The following HOMER1 variants were observed in gnomAD, a reference collection of about 807,000 sequenced individuals.
HOMER1 encodes the protein homer protein homolog 1.
HOMER1 carries 3 observed loss-of-function variants against 48.9 expected under a neutral mutation model. That is an observed-to-expected ratio of 0.06 (90% confidence interval 0.03 to 0.16). The LOEUF (loss-of-function observed/expected upper bound fraction) is 0.16, where lower values mean the gene tolerates loss of function less well. Among genes scored for constraint, HOMER1 ranks in the 10% least tolerant of loss-of-function variants. HOMER1 has a pLI of 1.00. For synonymous variants in HOMER1, 134 were observed against 146.4 expected (o/e 0.92, Z 0.61); for missense variants, 247 against 411.4 (o/e 0.60, Z 3.46).
intron 5 of HOMER1, among the ~76,000 whole-genome samples, chr5:79,409,638 G>C (rs1749763416): frequency 6.6e-6 from 1 of 152,128 alleles, no homozygotes. Flanking sequence ...TCATCTATCT[G>C]ATAAGGGATT....
chr5:79,440,063 T>C (rs571399795), intron 4 of HOMER1, among the ~76,000 whole-genome samples: 5 of 152,196 alleles, frequency 3.3e-5, no homozygotes, highest in Middle Eastern at 3.4e-3. Context: ...AATTGAAATA[T>C]CTGTCTATAT....
At chr5:79,430,893 A>G (rs1196878699) in intron 5 of HOMER1, among the ~76,000 whole-genome samples, 1 of 152,092 alleles carries the variant, frequency 6.6e-6, no homozygotes, top group African/African-American at 2.4e-5. Flanking sequence ...GCTGAGATCC[A>G]GCCTGGCAAC....
chr5:79,494,011 T>C (rs1463419774), intron 1 of HOMER1, among the ~76,000 whole-genome samples: 2 of 152,194 alleles, frequency 1.3e-5, no homozygotes, highest in African/African-American at 4.8e-5. Context: ...TCTAATTATT[T>C]CTTGCCTCAT....
chr5:79,434,676 A>G lies in HOMER1; in HGVS notation c.527+4334T>C, dbSNP rs1296210338. On this transcript the variant is annotated intron_variant, in intron 5 of 8. Transcript: ENST00000334082. ...CCTTTTTTACACGTCTCTAAACTTT[A>G]AAAATAAGTACACTAAAACAGTATT... Among the ~76,000 whole-genome samples, 4 of 152,304 alleles carry G rather than the reference A, an allele frequency of 2.6e-5. No individual in the cohort carries two copies. In the East Asian group the frequency reaches 7.7e-4, roughly 29 times the overall value.
At chr5:79,502,854 A>G (rs377054663) in intron 1 of HOMER1, among the ~76,000 whole-genome samples, 11 of 152,218 alleles carry the variant, frequency 7.2e-5, no homozygotes, top group East Asian at 5.8e-4. Context: ...GCAGTGGCGC[A>G]ATCTCAGCTC....
chr5:79,431,399 G>A (rs577243426), intron 5 of HOMER1, among the ~76,000 whole-genome samples: 4 of 152,210 alleles, frequency 2.6e-5, no homozygotes, highest in South Asian at 2.1e-4. Flanking sequence ...TATACGCAAC[G>A]TTCAGAATAG....
At position 79,502,708 on chromosome 5, in the gene HOMER1, C is replaced by T. The variant is rs370313987; in HGVS notation, c.5+10062G>A. Among the ~76,000 whole-genome samples the T allele has an allele frequency of 1.4e-4, 21 of 152,344 alleles. 1 individual carries two copies. Among genetic ancestry groups the T allele is most frequent in the Admixed American group, 6.5e-4 (10 of 15,302 alleles). On this transcript the variant is annotated intron_variant, in intron 1 of 8. Coordinates refer to ENST00000334082, the MANE Select transcript of HOMER1 (RefSeq NM_004272.5). Reference sequence around the variant, plus strand: ...ATAATGTAACAACCTAGATTTTACACTGACTACTCAGAATATACAGTTAAC... The same window carrying T: ...ATAATGTAACAACCTAGATTTTACATTGACTACTCAGAATATACAGTTAAC...
intron 5 of HOMER1, among the ~76,000 whole-genome samples, chr5:79,436,967 T>C (rs1750599429): frequency 6.6e-6 from 1 of 152,238 alleles, no homozygotes; most frequent in Non-Finnish European, 1.5e-5. Flanking sequence ...ATTGACCTGT[T>C]AAATTTTATA....
chr5:79,495,067 C>CTA (rs1339437712), intron 1 of HOMER1, among the ~76,000 whole-genome samples: 1 of 152,002 alleles, frequency 6.6e-6, no homozygotes, highest in African/African-American at 2.4e-5. Flanking sequence ...CATTAAATAT[C>CTA]TATATATATT....
At chr5:79,407,032 CA>C in intron 5 of HOMER1, among the ~76,000 whole-genome samples, 1 of 152,038 alleles carries the variant, frequency 6.6e-6, no homozygotes, top group East Asian at 1.9e-4. Flanking sequence ...TGCACACACA[CA>C]AAAAAAGACC....
At chr5:79,422,281 A>C (rs1266433200) in intron 5 of HOMER1, among the ~76,000 whole-genome samples, 1 of 152,242 alleles carries the variant, frequency 6.6e-6, no homozygotes, top group Admixed American at 6.5e-5. Context: ...ACTGAAATAC[A>C]CAGTTATTTT....
chr5:79,428,167 T>A (rs1750322620), intron 5 of HOMER1, among the ~76,000 whole-genome samples: 1 of 152,188 alleles, frequency 6.6e-6, no homozygotes, highest in Admixed American at 6.5e-5. Flanking sequence ...ATTGCTCTAT[T>A]TGTCAATGAA....
At chr5:79,462,361 T>C (rs1751339320) in intron 1 of HOMER1, among the ~76,000 whole-genome samples, 1 of 152,222 alleles carries the variant, frequency 6.6e-6, no homozygotes, top group Admixed American at 6.5e-5. Context: ...TGTTGATTCA[T>C]AAACGAATTC....
intron 6 of HOMER1, among the ~76,000 whole-genome samples, chr5:79,398,656 T>C (rs967904524): frequency 1.3e-5 from 2 of 152,162 alleles, no homozygotes; most frequent in Non-Finnish European, 2.9e-5. Flanking sequence ...ATTCCTGTGA[T>C]TCCACCATTC....
chr5:79,490,316 AC>A (rs1316639241), intron 1 of HOMER1, among the ~76,000 whole-genome samples: 2 of 152,190 alleles, frequency 1.3e-5, no homozygotes, highest in Non-Finnish European at 2.9e-5. Context: ...CATATCTTAA[AC>A]CCCAGTCTGA....
At chr5:79,510,181 T>G (rs533475198) in intron 1 of HOMER1, among the ~76,000 whole-genome samples, 18 of 150,468 alleles carry the variant, frequency 1.2e-4, no homozygotes, top group African/African-American at 4.2e-4. Context: ...TAGCCCCAAA[T>G]ACAGGCTTTC....
chr5:79,492,789 C>T (rs1439674497), intron 1 of HOMER1, among the ~76,000 whole-genome samples: 1 of 151,604 alleles, frequency 6.6e-6, no homozygotes, highest in East Asian at 1.9e-4. Flanking sequence ...AGGAAAGGGG[C>T]CGCTAAGGGG....
intron 1 of HOMER1, among the ~76,000 whole-genome samples, chr5:79,471,079 C>T (rs796482359): frequency 9.2e-5 from 14 of 152,088 alleles, no homozygotes; most frequent in African/African-American, 2.9e-4. Context: ...AAAGCAAGCA[C>T]GACAAAATGC....
intron 2 of HOMER1, among the ~76,000 whole-genome samples, chr5:79,454,909 T>C (rs943942795): frequency 1.3e-5 from 2 of 152,140 alleles, no homozygotes; most frequent in Non-Finnish European, 2.9e-5. Flanking sequence ...AACAACCCTA[T>C]GGTGGAATGA....
Sources: gnomAD v4.1 joint callset for allele counts (sites outside exome capture counted in the v4.1 genomes callset) on GRCh38, gnomAD v4.1.1 for gene constraint, MANE v1.5 for transcripts, NCBI Gene and HGNC (gene_info 2026-07-23, HGNC 2026-07-21) for gene names.